The following CSGALNACT1 variants were observed in gnomAD, a reference collection of about 807,000 sequenced individuals.
The protein encoded by CSGALNACT1 is beta4GalNAcT-1.
Under a neutral mutation model 51.0 loss-of-function variants are expected in CSGALNACT1, and 52 were observed. The ratio of observed to expected loss-of-function variants is 1.02; its 90% CI spans 0.82 to 1.29. The LOEUF (loss-of-function observed/expected upper bound fraction) is 1.29, where lower values mean the gene tolerates loss of function less well. Among genes scored for constraint, CSGALNACT1 ranks in the 50% most tolerant of loss-of-function variants. The probability of loss-of-function intolerance (pLI) is 0.00; values close to 1 mark genes in which losing one functional copy is unlikely to be tolerated. For synonymous variants in CSGALNACT1, 341 were observed against 254.4 expected (o/e 1.34, Z -3.24); for missense variants, 935 against 679.2 (o/e 1.38, Z -4.19).
In CSGALNACT1 at chr8:19,715,354, C is replaced by G. The variant is rs1035672238; in HGVS notation, c.-297+42496G>C. ...CATATCAGTACTCAATATTTAGCTC[C>G]CACTTATAAGTGAGAACATATGGGA... On this transcript the variant is annotated intron_variant, in intron 1 of 1. Transcript: ENST00000517494. Among the ~76,000 whole-genome samples the G allele has an allele frequency of 4.6e-5, 7 of 152,244 alleles. No homozygotes were observed. In the South Asian group the frequency reaches 1.5e-3, roughly 32 times the overall value.
chr8:19,418,852 A>T (rs557736336), intron 7 of CSGALNACT1, 102 bp from the exon 7 acceptor site: 6 of 806,312 alleles, frequency 7.4e-6, no homozygotes, highest in South Asian at 2.9e-5. Context: ...ATTTGCACCC[A>T]CTTTTTTTTT....
intron 1 of CSGALNACT1, among the ~76,000 whole-genome samples, chr8:19,642,788 C>CAA (rs756974494): frequency 2.8e-4 from 23 of 83,172 alleles, no homozygotes; most frequent in Admixed American, 4.0e-4. Flanking sequence ...GACCCTGTCA[C>CAA]AAAAAAAAAA....
intron 1 of CSGALNACT1, among the ~76,000 whole-genome samples, chr8:19,607,824 G>A (rs968356218): frequency 1.3e-5 from 2 of 152,204 alleles, no homozygotes; most frequent in African/African-American, 2.4e-5. Context: ...CTCAGTGAGG[G>A]AGGATGATCT....
chr8:19,531,561 A>G (rs959720134), intron 3 of CSGALNACT1, among the ~76,000 whole-genome samples: 13 of 152,226 alleles, frequency 8.5e-5, no homozygotes, highest in Non-Finnish European at 1.2e-4. Context: ...CAACTAAGTA[A>G]CCTTGGCAAA....
chr8:19,620,712 G>A (rs2053709490), intron 1 of CSGALNACT1, among the ~76,000 whole-genome samples: 2 of 152,146 alleles, frequency 1.3e-5, no homozygotes, highest in South Asian at 2.1e-4. Context: ...GGGATTACAG[G>A]CATGAGCCAC....
chr8:19,566,466 T>G lies in CSGALNACT1; in HGVS notation c.-297+24694A>C, dbSNP rs2041927205. Among the ~76,000 whole-genome samples, 6 of 152,268 alleles carry G rather than the reference T, an allele frequency of 3.9e-5. No homozygotes were observed. The South Asian group carries it at 1.2e-3, about 32-fold the overall frequency. Reference sequence around the variant, plus strand: ...AAGCTTAAAAGCCTTATGTTTATGGTCATTTGTCACAGCAGCCACAGGAAA... The same window carrying G: ...AAGCTTAAAAGCCTTATGTTTATGGGCATTTGTCACAGCAGCCACAGGAAA... On this transcript the variant is annotated intron_variant, in intron 3 of 9. Transcript: ENST00000454498.
intron 6 of CSGALNACT1, among the ~76,000 whole-genome samples, chr8:19,424,221 CCAT>C (rs1216683318): frequency 6.6e-6 from 1 of 152,122 alleles, no homozygotes; most frequent in African/African-American, 2.4e-5. Context: ...TTGGGAAGCA[CCAT>C]CAGGCAGTCA....
At chr8:19,658,688 C>T (rs909432622) in intron 1 of CSGALNACT1, among the ~76,000 whole-genome samples, 2 of 152,030 alleles carry the variant, frequency 1.3e-5, no homozygotes, top group Admixed American at 6.6e-5. Context: ...GAGCTGAGAT[C>T]GCGACACTGC....
intron 3 of CSGALNACT1, among the ~76,000 whole-genome samples, chr8:19,535,650 G>A (rs1290513286): frequency 6.6e-6 from 1 of 152,130 alleles, no homozygotes; most frequent in African/African-American, 2.4e-5. Context: ...ATATGATTCT[G>A]ATTGTAAGAT....
intron 8 of CSGALNACT1, among the ~76,000 whole-genome samples, chr8:19,416,837 G>A (rs923997157): frequency 6.6e-6 from 1 of 151,660 alleles, no homozygotes; most frequent in Non-Finnish European, 1.5e-5. Flanking sequence ...CTATTGTTAA[G>A]TAACACATGA....
chr8:19,757,565 GCGT>G lies in CSGALNACT1; in HGVS notation c.-297+282_-297+284del, dbSNP rs1384353204. On this transcript the variant is annotated intron_variant, in intron 1 of 1. Transcript: ENST00000517494. This position sits in a 1 kb window ranked among gnomAD's most constrained non-coding sequence, Gnocchi z 4.0. ...CGCTCGGACACCAGGGGCGGTTTACGCGTGACTGGACACCAAGAGCCGGAGAAG... is the reference window on the plus strand; with the variant it reads ...CGCTCGGACACCAGGGGCGGTTTACGGACTGGACACCAAGAGCCGGAGAAG... Among the ~76,000 whole-genome samples, 6 of 152,128 alleles carry G rather than the reference GCGT, an allele frequency of 3.9e-5. No homozygotes were observed. The highest frequency in any genetic ancestry group is 1.3e-4 in the Admixed American group (2 of 15,280).
At chr8:19,536,245 T>C (rs1402243676) in intron 3 of CSGALNACT1, among the ~76,000 whole-genome samples, 1 of 152,150 alleles carries the variant, frequency 6.6e-6, no homozygotes, top group Non-Finnish European at 1.5e-5. Context: ...GGGAATGTTG[T>C]TAACAGGGGA....
intron 3 of CSGALNACT1, among the ~76,000 whole-genome samples, chr8:19,571,658 T>C (rs1430593941): frequency 6.6e-6 from 1 of 152,202 alleles, no homozygotes; most frequent in African/African-American, 2.4e-5. Context: ...AAAAAAATTA[T>C]ATTGGAAAGT....
intron 2 of CSGALNACT1, among the ~76,000 whole-genome samples, chr8:19,593,234 T>C (rs543395291): frequency 6.6e-6 from 1 of 152,296 alleles, no homozygotes; most frequent in South Asian, 2.1e-4. Context: ...CCAAAGCACA[T>C]AAACGCAAGT....
At position 19,505,663 on chromosome 8, in the gene CSGALNACT1, G is replaced by A; in HGVS notation, c.172C>T (p.Gln58Ter). The A allele has an allele frequency of 1.2e-6, 2 of 1,614,156 alleles. No individual in the cohort carries two copies. Among genetic ancestry groups the A allele is most frequent in the Non-Finnish European group, 1.7e-6 (2 of 1,180,036 alleles). Residue 58 changes from glutamine to a stop codon, truncating the protein, a stop_gained, in exon 4 of 10, where the codon CAG becomes TAG. Coordinates refer to ENST00000454498, the Ensembl canonical transcript of CSGALNACT1. LOFTEE classifies it high-confidence loss of function. ...TCCTCCCACTCCTGAAGGACGGCCTGGTACCCCTCCTTCCCCGTGGGGCTG... is the reference window on the plus strand; with the variant it reads ...TCCTCCCACTCCTGAAGGACGGCCTAGTACCCCTCCTTCCCCGTGGGGCTG...
intron 1 of CSGALNACT1, among the ~76,000 whole-genome samples, chr8:19,633,605 C>G (rs976913707): frequency 6.6e-6 from 1 of 152,162 alleles, no homozygotes; most frequent in South Asian, 2.1e-4. Context: ...GGAATCCCAC[C>G]GTTGGAAGCT....
intron 1 of CSGALNACT1, among the ~76,000 whole-genome samples, chr8:19,657,478 C>T (rs966518152): frequency 6.6e-6 from 1 of 152,070 alleles, no homozygotes; most frequent in East Asian, 1.9e-4. Flanking sequence ...ACTCACCATA[C>T]CTAATATATC....
At chr8:19,436,563 A>C (rs2060407333) in intron 6 of CSGALNACT1, among the ~76,000 whole-genome samples, 1 of 152,224 alleles carries the variant, frequency 6.6e-6, no homozygotes. Context: ...TCACCTTAAA[A>C]ATAATTTAAA....
At chr8:19,542,141 CCTT>C (rs779011602) in intron 3 of CSGALNACT1, among the ~76,000 whole-genome samples, 21 of 151,576 alleles carry the variant, frequency 1.4e-4, no homozygotes, top group Non-Finnish European at 1.9e-4. Context: ...TCTGTGAGCT[CCTT>C]GATTTAGACA....
Sources: gnomAD v4.1 joint callset for allele counts (sites outside exome capture counted in the v4.1 genomes callset) on GRCh38, gnomAD v4.1.1 for gene constraint, Gnocchi (gnomAD v3.1) non-coding constraint, MANE v1.5 for transcripts, NCBI Gene and HGNC (gene_info 2026-07-23, HGNC 2026-07-21) for gene names.